The following HS3ST5 variants were observed in gnomAD, a reference collection of about 807,000 sequenced individuals.
HS3ST5 encodes heparan sulfate-glucosamine 3-sulfotransferase 5.
HS3ST5 carries 10 observed loss-of-function variants against 25.4 expected under a neutral mutation model. The ratio of observed to expected loss-of-function variants is 0.39; its 90% confidence interval spans 0.24 to 0.67. HS3ST5 has a LOEUF of 0.67. Ranked by LOEUF, HS3ST5 falls within the 30% of genes least tolerant of loss-of-function variation. The pLI, the probability that HS3ST5 is intolerant of heterozygous loss-of-function variation, is 0.44. For missense variants in HS3ST5, 324 were observed against 420.7 expected (o/e 0.77, Z 2.01); for synonymous variants, 170 against 162.4 (o/e 1.05, Z -0.36).
intron 3 of HS3ST5, chr6:114,084,542 C>A (rs1774675729): frequency 2.6e-6 from 2 of 760,130 alleles, no homozygotes; most frequent in African/African-American, 3.4e-5. Context: ...CGCATCACAC[C>A]CGCTGAGTGA....
chr6:114,138,493 CAG>C (rs1399140555), intron 3 of HS3ST5, among the ~76,000 whole-genome samples: 1 of 152,168 alleles, frequency 6.6e-6, no homozygotes, highest in Non-Finnish European at 1.5e-5. Flanking sequence ...CACATAAAAA[CAG>C]AACCCAGCGT....
intron 2 of HS3ST5, among the ~76,000 whole-genome samples, chr6:114,206,228 C>T (rs569173051): frequency 6.6e-6 from 1 of 152,218 alleles, no homozygotes; most frequent in East Asian, 1.9e-4. Flanking sequence ...TTGCAGTGAA[C>T]ACATTTATTT....
intron 2 of HS3ST5, among the ~76,000 whole-genome samples, chr6:114,196,866 G>A (rs371348826): frequency 1.9e-5 from 1 of 52,732 alleles, no homozygotes; most frequent in South Asian, 9.4e-4. Context: ...GTCCAGGCAA[G>A]TTTGTAAATG....
At chr6:114,215,948 C>T (rs867180803) in intron 2 of HS3ST5, among the ~76,000 whole-genome samples, 2 of 152,096 alleles carry the variant, frequency 1.3e-5, no homozygotes, top group African/African-American at 2.4e-5. Context: ...TCTAAAGGAG[C>T]GGACTCTTTA....
chr6:114,156,242 C>T lies in HS3ST5; in HGVS notation c.-33+12109G>A, dbSNP rs147252627. ...CAAAAAATCTCCAAAAGGAATTTCT[C>T]CAAAGAGGATTTTCTCCCTCATCCC... On this transcript the variant is annotated intron_variant, in intron 3 of 4. Transcript: ENST00000312719. Among the ~76,000 whole-genome samples, 29 of 152,318 alleles carry T rather than the reference C, an allele frequency of 1.9e-4. No individual in the cohort carries two copies. In the East Asian group the frequency reaches 5.6e-3, roughly 29 times the overall value.
intron 1 of HS3ST5, chr6:114,230,258 G>T (rs551164765): frequency 6.6e-6 from 1 of 151,178 alleles, no homozygotes; most frequent in South Asian, 2.1e-4. Flanking sequence ...TGGTTTGGAA[G>T]GAGACGGTCC....
At chr6:114,209,352 G>T (rs1216434580) in intron 2 of HS3ST5, among the ~76,000 whole-genome samples, 1 of 151,226 alleles carries the variant, frequency 6.6e-6, no homozygotes, top group Admixed American at 6.6e-5. Flanking sequence ...AAAAACTTGT[G>T]TATTTTTTAT....
intron 1 of HS3ST5, among the ~76,000 whole-genome samples, chr6:114,297,468 G>A (rs570713344): frequency 1.3e-5 from 2 of 152,302 alleles, no homozygotes; most frequent in South Asian, 4.1e-4. Flanking sequence ...CTGCAAAGGA[G>A]CAAAGGGAAA....
At chr6:114,121,309 G>T (rs1169705274) in intron 3 of HS3ST5, among the ~76,000 whole-genome samples, 2 of 152,068 alleles carry the variant, frequency 1.3e-5, no homozygotes, top group East Asian at 3.9e-4. Flanking sequence ...CCTAACACAA[G>T]CAACCACCAC....
chr6:114,163,623 A>G (rs1779076615), intron 3 of HS3ST5, among the ~76,000 whole-genome samples: 2 of 152,128 alleles, frequency 1.3e-5, no homozygotes, highest in African/African-American at 4.8e-5. Context: ...AAATGAGAAT[A>G]TTAATTTCTA....
intron 3 of HS3ST5, among the ~76,000 whole-genome samples, chr6:114,098,596 A>G (rs1348364080): frequency 1.3e-5 from 2 of 150,144 alleles, no homozygotes; most frequent in Non-Finnish European, 3.0e-5. Context: ...TTGAAATTAT[A>G]TATTTATATG....
rs146613898 is a variant in HS3ST5, at chr6:114,163,188, G to A, written c.-33+5163C>T. 7.7e-3 allele frequency among the ~76,000 whole-genome samples: 1,175 copies of A among 152,130 alleles called. 18 individuals are homozygous for A. Among genetic ancestry groups the A allele is most frequent in the African/African-American group, 0.027 (1,104 of 41,512 alleles). On this transcript the variant is annotated intron_variant, in intron 3 of 4. Transcript: ENST00000312719. Reference sequence around the variant, plus strand: ...TCCTGAGTTTAATAAATTCTCTTTCGTTTTTAAAGTTCTTAGTGAAATTGT... The same window carrying A: ...TCCTGAGTTTAATAAATTCTCTTTCATTTTTAAAGTTCTTAGTGAAATTGT...
chr6:114,170,061 A>G (rs1457531655), intron 2 of HS3ST5, among the ~76,000 whole-genome samples: 1 of 152,160 alleles, frequency 6.6e-6, no homozygotes, highest in Non-Finnish European at 1.5e-5. Context: ...TCAATGGAGA[A>G]GGTTAAAGTA....
intron 1 of HS3ST5, among the ~76,000 whole-genome samples, chr6:114,294,639 G>T (rs1774735796): frequency 6.6e-6 from 1 of 151,982 alleles, no homozygotes; most frequent in African/African-American, 2.4e-5. Context: ...TAGAGACGGG[G>T]TTTCACCGTG....
Position 114,281,202 on chromosome 6 carries a change from G to T in HS3ST5, c.-338-52424C>A, listed in dbSNP as rs150966639. Among the ~76,000 whole-genome samples the T allele has an allele frequency of 1.3e-4, 19 of 151,902 alleles. No homozygotes were observed. The South Asian group carries it at 3.9e-3, about 32-fold the overall frequency. ...AGTGTTTCACTTACTTCATGTTACC[G>T]CATCCTTAGTCCGTAGTATAACTTA... On this transcript the variant is annotated intron_variant, in intron 1 of 4. Coordinates refer to ENST00000312719, the MANE Select transcript of HS3ST5 (RefSeq NM_153612.4).
chr6:114,229,758 C>G (rs1460214650), intron 1 of HS3ST5, among the ~76,000 whole-genome samples: 3 of 152,218 alleles, frequency 2.0e-5, no homozygotes, highest in African/African-American at 4.8e-5. Flanking sequence ...TCTCTTCTCT[C>G]TTTCACACAT....
chr6:114,306,786 T>A (rs2114828728), intron 1 of HS3ST5, among the ~76,000 whole-genome samples: 1 of 152,294 alleles, frequency 6.6e-6, no homozygotes. Flanking sequence ...GATTAAGAAA[T>A]CTAGTAAATC....
intron 3 of HS3ST5, among the ~76,000 whole-genome samples, chr6:114,149,619 T>C (rs1444387288): frequency 6.6e-6 from 1 of 151,980 alleles, no homozygotes; most frequent in African/African-American, 2.4e-5. Flanking sequence ...TTAGGACAAA[T>C]ACCTAATGCA....
At chr6:114,166,015 TA>T (rs1779193219) in intron 3 of HS3ST5, among the ~76,000 whole-genome samples, 1 of 151,992 alleles carries the variant, frequency 6.6e-6, no homozygotes, top group Non-Finnish European at 1.5e-5. Context: ...ACCCCATCTC[TA>T]AAAAACTTTA....
Sources: gnomAD v4.1 joint callset for allele counts (sites outside exome capture counted in the v4.1 genomes callset) on GRCh38, gnomAD v4.1.1 for gene constraint, MANE v1.5 for transcripts, NCBI Gene and HGNC (gene_info 2026-07-23, HGNC 2026-07-21) for gene names.